GRM5: variants seen among roughly 807,000 people sequenced by gnomAD.
GRM5 encodes glutamate metabotropic receptor 5, also known as metabotropic glutamate receptor 5.
A neutral mutation model predicts 83.1 loss-of-function variants in GRM5; 19 were observed. The observed-to-expected ratio is 0.23, with a 90% CI of 0.16 to 0.34. GRM5 has a LOEUF of 0.34. GRM5 is among the 10% of genes least tolerant of loss of function. The pLI is 1.00. For missense variants in GRM5, 1,160 were observed against 1,588.3 expected, an observed-to-expected ratio of 0.73 and a Z score of 4.58; for synonymous variants, 675 against 633.6, an observed-to-expected ratio of 1.07 and a Z score of -0.98.
intron 3 of GRM5, among the ~76,000 whole-genome samples, chr11:88,676,807 T>G (rs1023737602): frequency 6.6e-6 from 1 of 152,074 alleles, no homozygotes; most frequent in Non-Finnish European, 1.5e-5. Flanking sequence ...GTTAATTCAT[T>G]TAAGTAACAC....
chr11:88,574,200 G>A (rs572460837), intron 7 of GRM5, among the ~76,000 whole-genome samples: 2 of 152,130 alleles, frequency 1.3e-5, no homozygotes, highest in African/African-American at 2.4e-5. Flanking sequence ...TCACTCATAT[G>A]GTTAATATAG....
At chr11:88,985,330 C>T (rs1420799677) in intron 2 of GRM5, among the ~76,000 whole-genome samples, 5 of 151,908 alleles carry the variant, frequency 3.3e-5, no homozygotes, top group African/African-American at 1.2e-4. Flanking sequence ...TCATTTTAGT[C>T]ACAATTAAGA....
chr11:88,821,641 C>T (rs771596329), intron 3 of GRM5, among the ~76,000 whole-genome samples: 7 of 152,144 alleles, frequency 4.6e-5, no homozygotes, highest in Non-Finnish European at 8.8e-5. Context: ...CCATATTACT[C>T]CTGGAGTGAT....
At chr11:88,561,984 G>T (rs1942767779) in intron 8 of GRM5, among the ~76,000 whole-genome samples, 1 of 152,002 alleles carries the variant, frequency 6.6e-6, no homozygotes, top group Non-Finnish European at 1.5e-5. Flanking sequence ...GCTTCGTCTA[G>T]CCCCCTTCTC....
At chr11:88,512,560 T>C (rs1941405969) in intron 9 of GRM5, among the ~76,000 whole-genome samples, 1 of 152,208 alleles carries the variant, frequency 6.6e-6, no homozygotes, top group East Asian at 1.9e-4. Context: ...ATGAATAGGA[T>C]TTTTAAGTTA....
intron 2 of GRM5, among the ~76,000 whole-genome samples, chr11:88,863,690 A>C (rs1230329754): frequency 6.7e-6 from 1 of 149,210 alleles, no homozygotes; most frequent in Non-Finnish European, 1.5e-5. Context: ...AATTATGTTT[A>C]ATTAGAATTG....
At chr11:88,989,258 C>T (rs1448536737) in intron 2 of GRM5, among the ~76,000 whole-genome samples, 1 of 143,184 alleles carries the variant, frequency 7.0e-6, no homozygotes, top group Admixed American at 7.1e-5. Flanking sequence ...TCAAAAGAGA[C>T]AAAGAAGGCC....
At chr11:89,049,722 A>G (rs1259498263) in intron 1 of GRM5, among the ~76,000 whole-genome samples, 3 of 152,338 alleles carry the variant, frequency 2.0e-5, no homozygotes, top group South Asian at 4.1e-4. Flanking sequence ...AAATAACCAG[A>G]TGTTCCAGAA....
In GRM5 at chr11:88,525,379, G is replaced by A; in HGVS notation, c.2656C>T (p.His886Tyr). ...GTGAAACACTCTATTTCCGACTTGT[G>A]CTGGGCCAGTCTCCTGTCTTTGTAC... ...LRYKDRRLAQ[H>Y]KSEIECFTPK... is the part of the protein sequence containing the mutation. The change falls in exon 9 of 10, where the codon CAC becomes TAC. Residue 886 changes from histidine to tyrosine, a missense_variant. Physicochemically the swap from His to Tyr is moderately conservative, Grantham distance 83. Coordinates refer to ENST00000305447, the MANE Select transcript of GRM5 (RefSeq NM_001143831.3). 1.2e-6 allele frequency: 2 copies of A among 1,610,522 alleles called. No individual in the cohort carries two copies.
chr11:88,658,829 A>AGG (rs1939833125), intron 3 of GRM5, among the ~76,000 whole-genome samples: 1 of 152,278 alleles, frequency 6.6e-6, no homozygotes, highest in South Asian at 2.1e-4. Flanking sequence ...AAGTAATGAG[A>AGG]GGGTGAGCTG....
At position 89,047,528 on chromosome 11, in the gene GRM5, A is replaced by T. The variant is rs140113398; in HGVS notation, c.345T>A (p.Asp115Glu). Residue 115 changes from aspartate to glutamate, a missense_variant, in exon 2 of 10, where the codon GAT becomes GAA. Transcript: ENST00000305447. This position sits in a 1 kb window ranked among gnomAD's most constrained non-coding sequence, Gnocchi z 5.1. ...ALEQSIEFIR[D>E]SLISSEEEEG... ...CTTCCTCTTCTGAAGAAATGAGGGA[A>T]TCTCTTATGAACTCAATGCTCTGCT... 8.6e-5 allele frequency: 139 copies of T among 1,614,066 alleles called. No individual in the cohort carries two copies. The African/African-American group carries it at 1.7e-3, about 20-fold the overall frequency.
intron 3 of GRM5, among the ~76,000 whole-genome samples, chr11:88,701,128 T>C (rs1554996638): frequency 6.6e-6 from 1 of 152,118 alleles, no homozygotes; most frequent in Non-Finnish European, 1.5e-5. Context: ...AATAACCTTT[T>C]AGATTTAGCT....
chr11:88,853,454 G>A (rs529720123), intron 2 of GRM5, among the ~76,000 whole-genome samples: 8 of 151,854 alleles, frequency 5.3e-5, no homozygotes, highest in Non-Finnish European at 8.8e-5. Flanking sequence ...GTGATTAAGG[G>A]AATTATTTGA....
chr11:88,722,625 A>G (rs1228004083), intron 3 of GRM5, among the ~76,000 whole-genome samples: 1 of 152,090 alleles, frequency 6.6e-6, no homozygotes. Context: ...GACATATACT[A>G]TTGTTTACTG....
At chr11:88,538,715 C>T (rs1942194188) in intron 8 of GRM5, among the ~76,000 whole-genome samples, 1 of 152,164 alleles carries the variant, frequency 6.6e-6, no homozygotes, top group Non-Finnish European at 1.5e-5. Flanking sequence ...ATGTTCCAGA[C>T]ACAATTCTAA....
intron 5 of GRM5, among the ~76,000 whole-genome samples, chr11:88,601,551 A>C (rs890807371): frequency 6.6e-6 from 1 of 152,190 alleles, no homozygotes; most frequent in Non-Finnish European, 1.5e-5. Context: ...AATGTAAAAT[A>C]TAAGAAATTT....
chr11:88,650,916 A>C (rs1939614639), intron 4 of GRM5, among the ~76,000 whole-genome samples: 1 of 152,006 alleles, frequency 6.6e-6, no homozygotes, highest in South Asian at 2.1e-4. Context: ...AATGAGGATA[A>C]TATTATACAT....
In GRM5 at chr11:88,735,855, C is replaced by T. The variant is rs557475625; in HGVS notation, c.912-82452G>A. Among the ~76,000 whole-genome samples, 6 of 152,118 alleles carry T rather than the reference C, an allele frequency of 3.9e-5. No homozygotes were observed. The Middle Eastern group carries it at 0.01, about 259-fold the overall frequency. On this transcript the variant is annotated intron_variant, in intron 3 of 9. Transcript: ENST00000305447. The stretch of plus-strand genomic sequence containing the variant: ...ATGCACAGCCAGCCACAGGCTCTTT[C>T]CCAAGATCATGAAGTGGTGTACTCG...
At chr11:89,045,340 T>A (rs1361813792) in intron 2 of GRM5, among the ~76,000 whole-genome samples, 2 of 152,188 alleles carry the variant, frequency 1.3e-5, no homozygotes, top group African/African-American at 4.8e-5. Flanking sequence ...TTAACTTAGA[T>A]TTCTTCTCAG....
Sources: allele counts gnomAD v4.1 joint callset (sites outside exome capture counted in the v4.1 genomes callset), GRCh38; gene constraint gnomAD v4.1.1; non-coding constraint Gnocchi (gnomAD v3.1); transcripts MANE v1.5; gene names NCBI Gene and HGNC (gene_info 2026-07-23, HGNC 2026-07-21).